The following MED27 variants were observed in gnomAD, a reference collection of about 807,000 sequenced individuals.
MED27 encodes mediator of RNA polymerase II transcription subunit 27.
MED27 carries 30 observed loss-of-function variants against 38.2 expected under a neutral mutation model. The observed-to-expected ratio is 0.79, with a 90% confidence interval of 0.59 to 1.07. The LOEUF (loss-of-function observed/expected upper bound fraction) is 1.07. Among genes scored for constraint, MED27 ranks in the 50% least tolerant of loss-of-function variants. The pLI is 0.00. For missense variants in MED27, 289 were observed against 397.5 expected (o/e 0.73, Z 2.32); for synonymous variants, 122 against 153.5 (o/e 0.79, Z 1.52).
In MED27 at chr9:131,921,710, A is replaced by G. The variant is rs1830395084; in HGVS notation, c.573+17671T>C. Reference sequence around the variant, plus strand: ...AAAGGATTATAAATCATGCAGCTATAAAGACACATGCACACGTATGTTTAC... The same window carrying G: ...AAAGGATTATAAATCATGCAGCTATGAAGACACATGCACACGTATGTTTAC... On this transcript the variant is annotated intron_variant, in intron 4 of 7. Coordinates refer to ENST00000292035, the MANE Select transcript of MED27 (RefSeq NM_004269.4). Among the ~76,000 whole-genome samples the G allele has an allele frequency of 2.0e-5, 3 of 152,232 alleles. No individual in the cohort carries two copies. The South Asian group carries it at 6.2e-4, about 32-fold the overall frequency.
intron 5 of MED27, among the ~76,000 whole-genome samples, chr9:131,887,546 C>A (rs1839160947): frequency 6.6e-6 from 1 of 152,150 alleles, no homozygotes; most frequent in African/African-American, 2.4e-5. Flanking sequence ...CAATGCCCTG[C>A]CTCTCCTCAG....
At chr9:132,020,876 C>A (rs1832702886) in intron 2 of MED27, among the ~76,000 whole-genome samples, 1 of 152,196 alleles carries the variant, frequency 6.6e-6, no homozygotes, top group African/African-American at 2.4e-5. Context: ...ACACCTTAGA[C>A]TTGAGCTTTT....
At chr9:131,890,136 T>C (rs1215918387) in intron 5 of MED27, among the ~76,000 whole-genome samples, 1 of 152,192 alleles carries the variant, frequency 6.6e-6, no homozygotes, top group Admixed American at 6.5e-5. Context: ...AATGTCTGCA[T>C]GGTTTATTTT....
chr9:132,073,627 C>T, intron 2 of MED27: 3 of 1,446,904 alleles, frequency 2.1e-6, no homozygotes, highest in South Asian at 2.9e-5. Context: ...GTGAACTTTG[C>T]AGTAACTTAG....
intron 3 of MED27, among the ~76,000 whole-genome samples, chr9:132,010,047 C>T (rs1208449661): frequency 6.6e-6 from 1 of 152,152 alleles, no homozygotes; most frequent in Non-Finnish European, 1.5e-5. Context: ...GTTTCTTTTG[C>T]TGTGCAGAAG....
intron 2 of MED27, among the ~76,000 whole-genome samples, chr9:132,070,652 A>G (rs944113373): frequency 2.6e-5 from 4 of 152,186 alleles, no homozygotes; most frequent in Non-Finnish European, 5.9e-5. Context: ...CTTACTGAGT[A>G]CCAAGATGAG....
chr9:131,891,344 G>A (rs1839226150), intron 5 of MED27, among the ~76,000 whole-genome samples: 1 of 152,262 alleles, frequency 6.6e-6, no homozygotes, highest in Non-Finnish European at 1.5e-5. Context: ...TGCGCCATGA[G>A]GCATTTAGAC....
intron 3 of MED27, among the ~76,000 whole-genome samples, chr9:131,995,973 C>T (rs974272308): frequency 6.6e-6 from 1 of 152,188 alleles, no homozygotes; most frequent in Non-Finnish European, 1.5e-5. Context: ...TGGTAGACTT[C>T]AAGCATCCCC....
intron 6 of MED27, among the ~76,000 whole-genome samples, chr9:131,866,408 T>A (rs1351627653): frequency 6.6e-6 from 1 of 152,258 alleles, no homozygotes; most frequent in African/African-American, 2.4e-5. Flanking sequence ...CTAAATGGCC[T>A]TTGACCCAGA....
At chr9:131,899,499 C>G (rs1418490923) in intron 4 of MED27, among the ~76,000 whole-genome samples, 1 of 152,204 alleles carries the variant, frequency 6.6e-6, no homozygotes, top group Non-Finnish European at 1.5e-5. Context: ...CAGTGTGACC[C>G]AGGGCAACTC....
intron 6 of MED27, among the ~76,000 whole-genome samples, chr9:131,881,220 G>GA (rs1589180722): frequency 6.6e-6 from 1 of 152,194 alleles, no homozygotes; most frequent in African/African-American, 2.4e-5. Flanking sequence ...GCCACTGGGG[G>GA]AAAAATGACA....
chr9:132,003,092 T>TA lies in MED27; in HGVS notation c.479+11244dup, dbSNP rs113279679. On this transcript the variant is annotated intron_variant, in intron 3 of 7. Transcript: ENST00000292035. This position sits in a 1 kb window ranked among gnomAD's most constrained non-coding sequence, Gnocchi z 4.2. ...GCTCTTTGTTATGCAAAGAGAGATT[T>TA]AAAAAAAAAAATGGATCCAGCTTCT... Among the ~76,000 whole-genome samples, 209 of 148,008 alleles carry TA rather than the reference T, an allele frequency of 1.4e-3. 1 individual carries two copies. The highest frequency in any genetic ancestry group is 3.4e-3 in the Middle Eastern group (1 of 290).
rs149312666 is a variant in MED27, at chr9:132,045,831, T to C, written c.349-31364A>G. 1.5e-3 allele frequency among the ~76,000 whole-genome samples: 225 copies of C among 152,314 alleles called. 1 individual carries two copies. The highest frequency in any genetic ancestry group is 5.3e-3 in the African/African-American group (219 of 41,560). On this transcript the variant is annotated intron_variant, in intron 2 of 7. Coordinates refer to ENST00000292035, the MANE Select transcript of MED27 (RefSeq NM_004269.4). ...TCTGACCAGTAAGAAGTGAACAAAA[T>C]GTTATCTGTAGGTTCTGGGAAACCT...
intron 3 of MED27, among the ~76,000 whole-genome samples, chr9:131,991,147 A>T (rs1360926655): frequency 6.6e-6 from 1 of 152,234 alleles, no homozygotes; most frequent in Non-Finnish European, 1.5e-5. Flanking sequence ...TCTTTGAGGC[A>T]GCCATACAAA....
intron 3 of MED27, among the ~76,000 whole-genome samples, chr9:131,941,187 T>C (rs1830779250): frequency 6.6e-6 from 1 of 152,184 alleles, no homozygotes; most frequent in South Asian, 2.1e-4. Flanking sequence ...ATATAATAGC[T>C]GACATGTAAA....
chr9:132,045,025 G>A (rs1174599973), intron 2 of MED27, among the ~76,000 whole-genome samples: 2 of 152,084 alleles, frequency 1.3e-5, no homozygotes, highest in Non-Finnish European at 2.9e-5. Context: ...CAAAGAGACA[G>A]GTGAAAAGAA....
chr9:131,955,960 C>T (rs1831087243), intron 3 of MED27, among the ~76,000 whole-genome samples: 1 of 152,030 alleles, frequency 6.6e-6, no homozygotes, highest in Non-Finnish European at 1.5e-5. Flanking sequence ...CTTCCATGAA[C>T]AAAGATACAA....
At chr9:132,073,638 T>C in intron 2 of MED27, 1 of 1,454,292 alleles carries the variant, frequency 6.9e-7, no homozygotes, top group South Asian at 1.4e-5. Context: ...AGTAACTTAG[T>C]CATTAAGCAA....
At chr9:131,949,891 T>G (rs1371875396) in intron 3 of MED27, among the ~76,000 whole-genome samples, 1 of 152,150 alleles carries the variant, frequency 6.6e-6, no homozygotes, top group Non-Finnish European at 1.5e-5. Flanking sequence ...TCAATTAATG[T>G]GCAAAGTTGG....
Sources: gnomAD v4.1 joint callset for allele counts (sites outside exome capture counted in the v4.1 genomes callset) on GRCh38, gnomAD v4.1.1 for gene constraint, Gnocchi (gnomAD v3.1) non-coding constraint, MANE v1.5 for transcripts, NCBI Gene and HGNC (gene_info 2026-07-23, HGNC 2026-07-21) for gene names.